PLEKHH3: variants seen among roughly 807,000 people sequenced by gnomAD.
The protein encoded by PLEKHH3 is pleckstrin homology, MyTH4 and FERM domain containing H3, also known as pleckstrin homology domain-containing family H member 3.
A neutral mutation model predicts 77.8 loss-of-function variants in PLEKHH3; 57 were observed. The ratio of observed to expected loss-of-function variants is 0.73; its 90% CI spans 0.59 to 0.91. PLEKHH3 has a LOEUF of 0.91. Ranked by LOEUF, PLEKHH3 falls within the 40% of genes least tolerant of loss-of-function variation. The probability of loss-of-function intolerance (pLI) is 0.00; values close to 1 mark genes in which losing one functional copy is unlikely to be tolerated. For synonymous variants in PLEKHH3, 467 were observed against 504.8 expected (o/e 0.93, Z 1.00); for missense variants, 1,082 against 1,091.2 (o/e 0.99, Z 0.12).
chr17:42,670,242 G>A lies in PLEKHH3; in HGVS notation c.1689C>T (p.Leu563=), dbSNP rs1029153667. The A allele has an allele frequency of 1.1e-5, 13 of 1,228,384 alleles. No homozygotes were observed. The African/African-American group carries it at 2.0e-4, about 19-fold the overall frequency. 76.1% of individuals were successfully genotyped at this position (1,228,384 alleles called of 1,614,324 possible). A position where few individuals can be genotyped will look rare whatever the true frequency, so the allele number is the denominator to read the frequency against. The change falls in exon 11 of 13, where the codon CTC becomes CTT. Residue 563 remains leucine (L), a synonymous_variant. Transcript: ENST00000591022. ...RVPLPRLDRL[L]PPPAPPREDP... ...CTTCGCGCGGCGGGGCCGGGGGCGGGAGCAGGCGGTCCAGGCGGGGCAGGG... is the reference window on the plus strand; with the variant it reads ...CTTCGCGCGGCGGGGCCGGGGGCGGAAGCAGGCGGTCCAGGCGGGGCAGGG...
At chr17:42,669,818 G>A (rs1049362143) in intron 11 of PLEKHH3, 100 bp downstream of exon 11, 2 of 1,553,756 alleles carry the variant, frequency 1.3e-6, no homozygotes, top group Non-Finnish European at 1.7e-6. Flanking sequence ...TAGCTGTTCT[G>A]GATGTGGGGA....
At chr17:42,674,142 T>C (rs988559392) in intron 2 of PLEKHH3, 129 bp from the exon 3 acceptor site, 17 of 1,129,752 alleles carry the variant, frequency 1.5e-5, no homozygotes, top group East Asian at 2.6e-5. Context: ...TGGGAACCGC[T>C]GGGCCATTCT....
intron 3 of PLEKHH3, 48 bp downstream of exon 3, chr17:42,673,886 G>A: frequency 6.2e-7 from 1 of 1,609,238 alleles, no homozygotes; most frequent in Non-Finnish European, 8.5e-7. Flanking sequence ...TTAATCCCTA[G>A]GGGGTTGGGA....
Position 42,676,147 on chromosome 17 carries a change from C to T in PLEKHH3, c.162+255G>A, listed in dbSNP as rs1054908517. The T allele has an allele frequency of 6.1e-5, 83 of 1,364,724 alleles. No homozygotes were observed. The highest frequency in any genetic ancestry group is 7.1e-5 in the Non-Finnish European group (75 of 1,060,546). The allele number at this position is 1,364,724 out of a possible 1,614,324, so 84.5% of individuals were successfully genotyped here. The stretch of plus-strand genomic sequence containing the variant: ...GGAGAGGCAGGGCCAGGTCGGGCCA[C>T]GCGTGACGCCTCCCCTGCCTCAGGG... On this transcript the variant is annotated intron_variant, in intron 1 of 12. Coordinates refer to ENST00000591022, the MANE Select transcript of PLEKHH3 (RefSeq NM_024927.5). This position sits in a 1 kb window ranked among gnomAD's most constrained non-coding sequence, Gnocchi z 6.6.
intron 6 of PLEKHH3, 24 bp from the exon 7 acceptor site, chr17:42,672,416 G>A (rs2052724602): frequency 1.3e-6 from 2 of 1,484,708 alleles, no homozygotes; most frequent in Non-Finnish European, 1.8e-6. Context: ...GGGGCGGAGG[G>A]ACGGTTTGGA....
At chr17:42,669,689 G>C in intron 11 of PLEKHH3, 68 bp from the exon 12 acceptor site, 1 of 1,515,192 alleles carries the variant, frequency 6.6e-7, no homozygotes. Context: ...GGGGGAGATG[G>C]GTGTCTGTGA....
chr17:42,673,313 A>G lies in PLEKHH3; in HGVS notation c.649-17T>C. On this transcript the variant is annotated splice_polypyrimidine_tract_variant and intron_variant, in intron 5 of 12. Coordinates refer to ENST00000591022, the MANE Select transcript of PLEKHH3 (RefSeq NM_024927.5). Reference sequence around the variant, plus strand: ...GCAACTTTCCTAGGGGGCCAGGGAGAGGGTCACCTTGATGGGGAAGGGAGT... The same window carrying G: ...GCAACTTTCCTAGGGGGCCAGGGAGGGGGTCACCTTGATGGGGAAGGGAGT... 3.1e-6 allele frequency: 5 copies of G among 1,599,942 alleles called. No individual in the cohort carries two copies. Among genetic ancestry groups the G allele is most frequent in the Non-Finnish European group, 4.3e-6 (5 of 1,175,936 alleles).
At position 42,671,345 on chromosome 17, in the gene PLEKHH3, C is replaced by T. The variant is rs2052695996; in HGVS notation, c.1284+6G>A. On this transcript the variant is annotated splice_donor_region_variant and intron_variant, in intron 8 of 12. Transcript: ENST00000591022. This position sits in a 1 kb window ranked among gnomAD's most constrained non-coding sequence, Gnocchi z 4.7. ...TGGAGGTCATGGGGCCTTTCTCTGGCCTCACCTCCCCCGCCGTGGTGTGGG... is the reference window on the plus strand; with the variant it reads ...TGGAGGTCATGGGGCCTTTCTCTGGTCTCACCTCCCCCGCCGTGGTGTGGG... 6.2e-7 allele frequency: 1 copy of T among 1,611,500 alleles called. No homozygotes were observed. Among genetic ancestry groups the T allele is most frequent in the East Asian group, 2.2e-5 (1 of 44,826 alleles).
chr17:42,668,224 G>A lies in PLEKHH3; in HGVS notation c.2285C>T (p.Pro762Leu). Residue 762 changes from proline to leucine, a missense_variant, in exon 13 of 13, where the codon CCA (proline) becomes CTA (leucine). Pro to Leu is a moderately conservative substitution (Grantham distance 98). Coordinates refer to ENST00000591022, the MANE Select transcript of PLEKHH3 (RefSeq NM_024927.5). Reference sequence around the variant, plus strand: ...GGAGGTGTCTGGCAGGTCTTGGCATGGAGGAGAAGAGCTGCTGCAGGGCCT... The same window carrying A: ...GGAGGTGTCTGGCAGGTCTTGGCATAGAGGAGAAGAGCTGCTGCAGGGCCT... ...PERPCSSSSP[P>L]CQDLPDTSPP... 2 of 1,561,662 alleles carry A rather than the reference G, an allele frequency of 1.3e-6. No homozygotes were observed. Among genetic ancestry groups the A allele is most frequent in the Non-Finnish European group, 1.7e-6 (2 of 1,159,868 alleles).
rs779998240 is a variant in PLEKHH3, at chr17:42,676,392, C to G, written c.162+10G>C. On this transcript the variant is annotated intron_variant, in intron 1 of 12. Coordinates refer to ENST00000591022, the MANE Select transcript of PLEKHH3 (RefSeq NM_024927.5). The surrounding 1 kb of genome is among the most constrained non-coding windows in gnomAD (Gnocchi z 6.6). Reference sequence around the variant, plus strand: ...TGATTGAGACGAGGCTCCGAACCCCCGGGACTTACCCTCCCGCCGCCCGCT... The same window carrying G: ...TGATTGAGACGAGGCTCCGAACCCCGGGGACTTACCCTCCCGCCGCCCGCT... 1.2e-6 allele frequency: 2 copies of G among 1,612,652 alleles called. No individual in the cohort carries two copies. The highest frequency in any genetic ancestry group is 1.1e-5 in the South Asian group (1 of 91,072).
rs1049583969 is a variant in PLEKHH3 at position 42,673,814 on chromosome 17, G to A, written c.319C>T (p.Arg107Cys). Reference sequence around the variant, plus strand: ...AGCCAGGGCCGCGCCCCTCCTCCGCGGGGCTCCCGGTACAGCCAACCTGGG... The same window carrying A: ...AGCCAGGGCCGCGCCCCTCCTCCGCAGGGCTCCCGGTACAGCCAACCTGGG... ...VVKGWLYREP[R>C]GGGARPWLPP... is the part of the protein sequence containing the mutation. The change falls in exon 4 of 13, where the codon CGC becomes TGC. Residue 107 changes from arginine to cysteine, a missense_variant. Arg to Cys is a radical substitution (Grantham distance 180, BLOSUM62 -3). Coordinates refer to ENST00000591022, the MANE Select transcript of PLEKHH3 (RefSeq NM_024927.5). The A allele has an allele frequency of 6.3e-7, 1 of 1,590,598 alleles. No individual in the cohort carries two copies.
intron 2 of PLEKHH3, 72 bp downstream of exon 2, chr17:42,674,282 G>A (rs947735701): frequency 1.1e-4 from 165 of 1,476,476 alleles, no homozygotes; most frequent in Non-Finnish European, 1.4e-4. Context: ...ACCGCTAGGG[G>A]AGACAGAGAG....
chr17:42,669,244 T>G (rs1238663267), intron 12 of PLEKHH3, 186 bp downstream of exon 12: 1 of 497,944 alleles, frequency 2.0e-6, no homozygotes, highest in East Asian at 3.5e-5. Flanking sequence ...TCTCACTGTC[T>G]TCATAGCCTG....
At chr17:42,668,437 C>G (rs1365390120) in intron 12 of PLEKHH3, 134 bp from the exon 13 acceptor site, 1 of 634,158 alleles carries the variant, frequency 1.6e-6, no homozygotes, top group Admixed American at 4.3e-5. Context: ...CCTTTCCTTC[C>G]TTATCACCAC....
chr17:42,674,543 G>T lies in PLEKHH3; in HGVS notation c.163-134C>A. On this transcript the variant is annotated intron_variant, in intron 1 of 12. Coordinates refer to ENST00000591022, the MANE Select transcript of PLEKHH3 (RefSeq NM_024927.5). ...ACAGAGTGGGGTCGTGACTAGGGTG[G>T]AGCACGCTGGAGCCCCTGGGCTCGC... 8.9e-6 allele frequency: 6 copies of T among 676,034 alleles called. 1 individual carries two copies. In the South Asian group the frequency reaches 1.6e-4, roughly 17 times the overall value. The allele number at this position is 676,034 out of a possible 1,614,324, so 41.9% of individuals were successfully genotyped here. A position where few individuals can be genotyped will look rare whatever the true frequency, so the allele number is the denominator to read the frequency against.
At position 42,668,037 on chromosome 17, in the gene PLEKHH3, A is replaced by T; in HGVS notation, c.*90T>A. 1 of 1,172,348 alleles carries T rather than the reference A, an allele frequency of 8.5e-7. No homozygotes were observed. Among genetic ancestry groups the T allele is most frequent in the Non-Finnish European group, 1.1e-6 (1 of 923,988 alleles). 72.6% of individuals were successfully genotyped at this position (1,172,348 alleles called of 1,614,324 possible). A position where few individuals can be genotyped will look rare whatever the true frequency, so the allele number is the denominator to read the frequency against. On this transcript the variant is annotated 3_prime_UTR_variant, in exon 13 of 13. Transcript: ENST00000591022. ...GGTGTGGGATGTGCCCTGTCCCTGC[A>T]GGGCCAAAAGGGTCCATGTTTCCCT...
chr17:42,671,132 TAGAAG>T lies in PLEKHH3; in HGVS notation c.1285-7_1285-3del, dbSNP rs751753810. ...CCGCCCCACCAGCTCTCGAGCCACC[TAGAAG>T]AGGAGGGTGAGGGGAGACCACTCAG... On this transcript the variant is annotated splice_region_variant and splice_polypyrimidine_tract_variant and intron_variant, in intron 8 of 12. Coordinates refer to ENST00000591022, the MANE Select transcript of PLEKHH3 (RefSeq NM_024927.5). The surrounding 1 kb of genome is among the most constrained non-coding windows in gnomAD (Gnocchi z 4.7). 4.8e-5 allele frequency: 75 copies of T among 1,575,924 alleles called. 1 individual carries two copies. The South Asian group carries it at 7.9e-4, about 17-fold the overall frequency.
In PLEKHH3 at chr17:42,670,364, G is replaced by A; in HGVS notation, c.1567C>T (p.Leu523=). The stretch of plus-strand genomic sequence containing the variant: ...GGTGGGGGCGGCCGGCCCCGCAGCA[G>A]CAGAGCGTGAGCCTGCAGGGGAGGC... ...PFLFEQAHAL[L]LRGRPPPPDD... The change falls in exon 11 of 13, where the codon CTG becomes TTG. Residue 523 remains leucine, a synonymous_variant. Transcript: ENST00000591022. The A allele has an allele frequency of 1.4e-6, 2 of 1,423,092 alleles. No homozygotes were observed. The highest frequency in any genetic ancestry group is 1.8e-6 in the Non-Finnish European group (2 of 1,099,466). The allele number at this position is 1,423,092 out of a possible 1,614,324, so 88.2% of individuals were successfully genotyped here.
intron 9 of PLEKHH3, 40 bp from the exon 10 acceptor site, chr17:42,670,745 G>A (rs769471970): frequency 1.9e-6 from 3 of 1,587,992 alleles, no homozygotes; most frequent in African/African-American, 2.7e-5. Flanking sequence ...GGAGAAGCCG[G>A]ACCCCTACGG....
Sources: allele counts gnomAD v4.1 joint callset, GRCh38; gene constraint gnomAD v4.1.1; non-coding constraint Gnocchi (gnomAD v3.1); transcripts MANE v1.5; gene names NCBI Gene and HGNC (gene_info 2026-07-23, HGNC 2026-07-21).